ATP13A3: variants seen among roughly 807,000 people sequenced by gnomAD.
ATP13A3 encodes ATPase 13A3.
In ATP13A3, 59 loss-of-function variants were observed where a neutral mutation model predicts 158.1. That is an observed-to-expected ratio of 0.37 (90% confidence interval 0.30 to 0.46). The LOEUF is 0.46. ATP13A3 is among the 20% of genes least tolerant of loss of function. The pLI is 1.00. For missense variants in ATP13A3, 1,166 were observed against 1,525.2 expected (o/e 0.76, Z 3.92); for synonymous variants, 491 against 504.3 (o/e 0.97, Z 0.35).
chr3:194,480,858 C>T (rs559279300), intron 2 of ATP13A3, among the ~76,000 whole-genome samples: 6 of 152,232 alleles, frequency 3.9e-5, no homozygotes, highest in African/African-American at 7.2e-5. Context: ...ACTATAAATC[C>T]GCTATGCTCA....
chr3:194,418,169 T>C (rs576972670), intron 31 of ATP13A3, among the ~76,000 whole-genome samples: 1 of 152,112 alleles, frequency 6.6e-6, no homozygotes, highest in South Asian at 2.1e-4. Flanking sequence ...AAAAAGAAAT[T>C]TGATCCCTAT....
chr3:194,421,291 C>A (rs1218853338), intron 30 of ATP13A3, among the ~76,000 whole-genome samples: 1 of 146,206 alleles, frequency 6.8e-6, no homozygotes, highest in Non-Finnish European at 1.5e-5. Flanking sequence ...CGGTGGCTCA[C>A]GCCTGTAATC....
intron 2 of ATP13A3, among the ~76,000 whole-genome samples, chr3:194,477,293 T>G (rs779439350): frequency 1.3e-5 from 2 of 152,180 alleles, no homozygotes; most frequent in Non-Finnish European, 2.9e-5. Context: ...AACGTTGAAC[T>G]TATAGACTAA....
chr3:194,423,637 G>A (rs1485365066), intron 30 of ATP13A3, among the ~76,000 whole-genome samples: 1 of 152,190 alleles, frequency 6.6e-6, no homozygotes. Context: ...CGGCAATCGA[G>A]TTTTATGGTT....
chr3:194,476,557 C>A (rs1720531358), intron 2 of ATP13A3, among the ~76,000 whole-genome samples: 1 of 152,170 alleles, frequency 6.6e-6, no homozygotes. Flanking sequence ...GGCCACTCAT[C>A]TTTTGACTAC....
At chr3:194,451,580 G>A (rs1289914701) in intron 10 of ATP13A3, 1 of 152,228 alleles carries the variant, frequency 6.6e-6, no homozygotes, top group Non-Finnish European at 1.5e-5. Flanking sequence ...GATCTTCCTA[G>A]CTAGAGTAGC....
At chr3:194,407,665 G>A (rs528746541) in intron 33 of ATP13A3, among the ~76,000 whole-genome samples, 325 of 152,238 alleles carry the variant, frequency 2.1e-3, no homozygotes, top group Middle Eastern at 3.4e-3. Flanking sequence ...AGGCAAAAAA[G>A]GTGGACAAAA....
intron 15 of ATP13A3, 146 bp downstream of exon 15, chr3:194,444,579 C>T (rs1235836176): frequency 5.2e-5 from 30 of 576,690 alleles, no homozygotes; most frequent in African/African-American, 1.4e-4. Flanking sequence ...CTAAAGGAAG[C>T]GATCTGAAGC....
Position 194,448,670 on chromosome 3 carries a change from T to A in ATP13A3, c.971-34A>T. On this transcript the variant is annotated intron_variant, in intron 11 of 33. Transcript: ENST00000645319. The surrounding 1 kb of genome is among the most constrained non-coding windows in gnomAD (Gnocchi z 4.0). Reference sequence around the variant, plus strand: ...AACAACAACAACAACAAAAACAGTTTACAAATTATTAAACGAAAGCACAGG... The same window carrying A: ...AACAACAACAACAACAAAAACAGTTAACAAATTATTAAACGAAAGCACAGG... The A allele has an allele frequency of 1.3e-6, 2 of 1,581,200 alleles. No homozygotes were observed. The highest frequency in any genetic ancestry group is 1.7e-6 in the Non-Finnish European group (2 of 1,164,566).
At chr3:194,449,334 C>A (rs1718637329) in intron 11 of ATP13A3, among the ~76,000 whole-genome samples, 1 of 151,742 alleles carries the variant, frequency 6.6e-6, no homozygotes, top group Non-Finnish European at 1.5e-5. Flanking sequence ...ACATATAAAT[C>A]ATTTTCTAGC....
rs1387396834 is a variant in ATP13A3 at position 194,419,897 on chromosome 3, A to G, written c.3384T>C (p.Ser1128=). 6.4e-7 allele frequency: 1 copy of G among 1,564,526 alleles called. No individual in the cohort carries two copies. The change falls in exon 31 of 34, where the codon TCT becomes TCC. Residue 1128 remains serine (S), a synonymous_variant. Coordinates refer to ENST00000645319, the MANE Select transcript of ATP13A3 (RefSeq NM_001367549.1). The part of the protein sequence containing the change: ...ILFIMLYPVA[S]VDQVLQIVCV... Reference sequence around the variant, plus strand: ...GTCTTACCTGAAGAACCTGGTCAACAGAGGCAACTGGATACAACATGATGA... The same window carrying G: ...GTCTTACCTGAAGAACCTGGTCAACGGAGGCAACTGGATACAACATGATGA...
At chr3:194,473,391 C>A (rs1014749094) in intron 2 of ATP13A3, among the ~76,000 whole-genome samples, 6 of 150,132 alleles carry the variant, frequency 4.0e-5, no homozygotes, top group Non-Finnish European at 7.4e-5. Context: ...AGGAAGAGAA[C>A]AATAACAAAG....
chr3:194,431,141 G>A lies in ATP13A3; in HGVS notation c.2507C>T (p.Ser836Leu). ...YHFAMNGKSF[S>L]VILEHFQDLV... Reference sequence around the variant, plus strand: ...GTCTTGAAAATGCTCCAGTATCACTGAGAATGATTTTCCATTCATTGCAAA... The same window carrying A: ...GTCTTGAAAATGCTCCAGTATCACTAAGAATGATTTTCCATTCATTGCAAA... Residue 836 changes from serine to leucine, a missense_variant, in exon 23 of 34, where the codon TCA becomes TTA. Ser to Leu is a moderately radical substitution (Grantham distance 145). Coordinates refer to ENST00000645319, the MANE Select transcript of ATP13A3 (RefSeq NM_001367549.1). The A allele has an allele frequency of 3.1e-6, 5 of 1,613,926 alleles. No homozygotes were observed. Among genetic ancestry groups the A allele is most frequent in the Non-Finnish European group, 4.2e-6 (5 of 1,179,856 alleles).
At chr3:194,424,143 C>T (rs6793342) in intron 30 of ATP13A3, among the ~76,000 whole-genome samples, 15,346 of 151,668 alleles carry the variant, frequency 0.1, 863 homozygotes, top group Middle Eastern at 0.14. Flanking sequence ...CATCCTGTAG[C>T]ATGGTTCTAA....
intron 10 of ATP13A3, chr3:194,452,103 CCAGCACT>C (rs1242094177): frequency 1.3e-5 from 2 of 152,378 alleles, no homozygotes; most frequent in African/African-American, 4.8e-5. Context: ...GCCAGTAATC[CCAGCACT>C]CTGGGAGGCC....
intron 13 of ATP13A3, 104 bp downstream of exon 13, chr3:194,447,748 A>C (rs1348791468): frequency 9.8e-7 from 1 of 1,022,100 alleles, no homozygotes; most frequent in Non-Finnish European, 1.4e-6. Context: ...AAATTAGCTT[A>C]AAATTTTAGT....
At chr3:194,468,388 A>G (rs986675873) in intron 2 of ATP13A3, 1 of 112,694 alleles carries the variant, frequency 8.9e-6, no homozygotes, top group Non-Finnish European at 2.1e-5. Flanking sequence ...TGTGAGTTTA[A>G]AAAAAAAAAA....
intron 2 of ATP13A3, among the ~76,000 whole-genome samples, chr3:194,465,311 T>A (rs1186923346): frequency 6.6e-6 from 1 of 152,052 alleles, no homozygotes; most frequent in African/African-American, 2.4e-5. Context: ...AGCAATGAGG[T>A]TTGCTGGTCA....
chr3:194,478,527 C>G (rs563452487), intron 2 of ATP13A3, among the ~76,000 whole-genome samples: 1 of 152,054 alleles, frequency 6.6e-6, no homozygotes, highest in Middle Eastern at 3.4e-3. Flanking sequence ...GTGAGAGATC[C>G]TAAAAAATGC....
Sources: allele counts gnomAD v4.1 joint callset (sites outside exome capture counted in the v4.1 genomes callset), GRCh38; gene constraint gnomAD v4.1.1; non-coding constraint Gnocchi (gnomAD v3.1); transcripts MANE v1.5; gene names NCBI Gene and HGNC (gene_info 2026-07-23, HGNC 2026-07-21).